The following C22orf31 variants were observed in gnomAD, a reference collection of about 807,000 sequenced individuals.
C22orf31 encodes chromosome 22 open reading frame 31.
Under a neutral mutation model 15.0 loss-of-function variants are expected in C22orf31, and 11 were observed. The ratio of observed to expected loss-of-function variants is 0.73; its 90% confidence interval spans 0.46 to 1.21. C22orf31 has a LOEUF of 1.21. Among genes scored for constraint, C22orf31 ranks in the 50% most tolerant of loss-of-function variants. The pLI is 0.00. For missense variants in C22orf31, 340 were observed against 347.2 expected, an observed-to-expected ratio of 0.98 and a Z score of 0.17; for synonymous variants, 132 against 133.3, an observed-to-expected ratio of 0.99 and a Z score of 0.07.
chr22:29,070,645 G>A, the C22orf31 span, among the ~76,000 whole-genome samples: 1 of 152,150 alleles, frequency 6.6e-6, no homozygotes, highest in African/African-American at 2.4e-5. Flanking sequence ...TGTAGTCCCA[G>A]CTATCCAGGA....
intron 1 of C22orf31, among the ~76,000 whole-genome samples, 175 bp downstream of exon 1, chr22:29,061,615 G>C (rs1462007752): frequency 1.3e-5 from 2 of 152,132 alleles, no homozygotes; most frequent in Admixed American, 1.3e-4. Flanking sequence ...CTCATTCACA[G>C]GGAAATCAAT....
rs201134739 is a variant in C22orf31, at chr22:29,060,798, G to A, written c.49C>T (p.Leu17Phe). The change falls in exon 2 of 3, where the codon CTC (leucine) becomes TTC (phenylalanine). Residue 17 changes from leucine (L) to phenylalanine (F), a missense_variant. By Grantham distance (22) the Leu-to-Phe change is conservative (BLOSUM62 0). Coordinates refer to ENST00000216071, the MANE Select transcript of C22orf31 (RefSeq NM_015370.2). ...GTATTTAATAAGATGGACTGTCGGA[G>A]TCCATAGATAGGGATGCTGGGGTCT... ...RRDPSIPIYG[L>F]RQSILLNTRL... 1.2e-6 allele frequency: 2 copies of A among 1,614,102 alleles called. No homozygotes were observed. The highest frequency in any genetic ancestry group is 2.2e-5 in the East Asian group (1 of 44,890).
In C22orf31 at chr22:29,060,434, G is replaced by C. The variant is rs368856214; in HGVS notation, c.413C>G (p.Pro138Arg). 123 of 1,612,788 alleles carry C rather than the reference G, an allele frequency of 7.6e-5. No individual in the cohort carries two copies. Among genetic ancestry groups the C allele is most frequent in the Admixed American group, 4.5e-4 (27 of 59,884 alleles). ...KSKQPAGHRRPAGGIRESKES... is the reference protein window; with the variant it reads ...KSKQPAGHRRRAGGIRESKES... Reference sequence around the variant, plus strand: ...GTCTACCTCTCTGATGCCTCCTGCAGGCCTCCTATGCCCTGCTGGCTGCTT... The same window carrying C: ...GTCTACCTCTCTGATGCCTCCTGCACGCCTCCTATGCCCTGCTGGCTGCTT... The change falls in exon 2 of 3, where the codon CCT becomes CGT. Residue 138 changes from proline to arginine, a missense_variant. Pro to Arg is a moderately radical substitution (Grantham distance 103). Coordinates refer to ENST00000216071, the MANE Select transcript of C22orf31 (RefSeq NM_015370.2).
chr22:29,062,571 C>G (rs922150175), upstream of C22orf31, among the ~76,000 whole-genome samples: 1 of 152,112 alleles, frequency 6.6e-6, no homozygotes, highest in African/African-American at 2.4e-5. Context: ...GGGTTTGATT[C>G]TTTTATTTGT....
At chr22:29,066,548 T>C (rs1403655786), upstream of C22orf31, among the ~76,000 whole-genome samples, 4 of 13,472 alleles carry the variant, frequency 3.0e-4, no homozygotes, top group African/African-American at 1.8e-3. Context: ...TCTTTTTTTT[T>C]TTTTTTTTTT....
At position 29,058,974 on chromosome 22, in the gene C22orf31, T is replaced by C. The variant is rs2037350357; in HGVS notation, c.641A>G (p.Gln214Arg). 1 of 1,614,036 alleles carries C rather than the reference T, an allele frequency of 6.2e-7. No homozygotes were observed. The highest frequency in any genetic ancestry group is 8.5e-7 in the Non-Finnish European group (1 of 1,179,988). Reference sequence around the variant, plus strand: ...CTCCACCACAGCGTGGTACAGAGCCTGGTAACCCTCTGTGGGGAGACCATG... The same window carrying C: ...CTCCACCACAGCGTGGTACAGAGCCCGGTAACCCTCTGTGGGGAGACCATG... ...TIHGLPTEGY[Q>R]ALYHAVVEPM... The change falls in exon 3 of 3, where the codon CAG becomes CGG. Residue 214 changes from glutamine to arginine, a missense_variant. By Grantham distance (43) the Gln-to-Arg change is conservative (BLOSUM62 1). Coordinates refer to ENST00000216071, the MANE Select transcript of C22orf31 (RefSeq NM_015370.2).
the C22orf31 span, among the ~76,000 whole-genome samples, chr22:29,068,148 C>G: frequency 2.8e-5 from 4 of 144,586 alleles, no homozygotes; most frequent in East Asian, 6.3e-4. Flanking sequence ...ATGGCACTAT[C>G]TCTGCTCACT....
At chr22:29,064,875 A>G (rs1305169959), upstream of C22orf31, among the ~76,000 whole-genome samples, 2 of 150,710 alleles carry the variant, frequency 1.3e-5, no homozygotes, top group East Asian at 2.0e-4. Flanking sequence ...TTTTTTTGAG[A>G]TGGAGTCCCA....
Position 29,058,923 on chromosome 22 carries a change from G to A in C22orf31, c.692C>T (p.Thr231Ile). Residue 231 changes from threonine to isoleucine, a missense_variant, in exon 3 of 3, where the codon ACC (threonine) becomes ATC (isoleucine). Thr to Ile is a moderately conservative substitution (Grantham distance 89). Transcript: ENST00000216071. ...VEPMLWNPSGTPKRYSLELGK... is the reference protein window; with the variant it reads ...VEPMLWNPSGIPKRYSLELGK... ...CAGCTCCAGGCTGTACCTCTTGGGGGTCCCTGAAGGATTCCACAGCATTGG... is the reference window on the plus strand; with the variant it reads ...CAGCTCCAGGCTGTACCTCTTGGGGATCCCTGAAGGATTCCACAGCATTGG... 1.2e-6 allele frequency: 2 copies of A among 1,614,144 alleles called. No individual in the cohort carries two copies. Among genetic ancestry groups the A allele is most frequent in the Non-Finnish European group, 1.7e-6 (2 of 1,180,020 alleles).
the C22orf31 span, among the ~76,000 whole-genome samples, chr22:29,073,780 T>A: frequency 4.3e-5 from 6 of 138,892 alleles, no homozygotes; most frequent in Non-Finnish European, 9.4e-5. This position sits in a 1 kb window ranked among gnomAD's most constrained non-coding sequence, Gnocchi z 4.4. Context: ...CCTCCTGGGA[T>A]CCCGTCCCCA....
chr22:29,064,785 C>T (rs1320390939), upstream of C22orf31, among the ~76,000 whole-genome samples: 2 of 140,252 alleles, frequency 1.4e-5, no homozygotes, highest in Non-Finnish European at 1.5e-5. Context: ...AAGTGATCCT[C>T]CTTGGCCTCC....
the C22orf31 span, among the ~76,000 whole-genome samples, chr22:29,073,540 G>A: frequency 6.6e-6 from 1 of 151,970 alleles, no homozygotes; most frequent in African/African-American, 2.4e-5. This position sits in a 1 kb window ranked among gnomAD's most constrained non-coding sequence, Gnocchi z 4.4. Flanking sequence ...ACGCCCCCCG[G>A]GCTGGGACAT....
chr22:29,073,213 T>TCGGCCC, the C22orf31 span: 1 of 1,178,928 alleles, frequency 8.5e-7, no homozygotes, highest in Non-Finnish European at 1.0e-6. This position sits in a 1 kb window ranked among gnomAD's most constrained non-coding sequence, Gnocchi z 4.4. Context: ...AGCCCCGGCC[T>TCGGCCC]CGGCCCCGGA....
At chr22:29,061,401 A>G (rs1235220887) in intron 1 of C22orf31, among the ~76,000 whole-genome samples, 5 of 151,962 alleles carry the variant, frequency 3.3e-5, no homozygotes, top group African/African-American at 7.3e-5. Flanking sequence ...GAAGTAGTTG[A>G]GATTACAGGC....
rs747496754 is a variant in C22orf31, at chr22:29,060,793, T to C, written c.54A>G (p.Arg18=). ...GCCTGGTATTTAATAAGATGGACTG[T>C]CGGAGTCCATAGATAGGGATGCTGG... The part of the protein sequence containing the change: ...RDPSIPIYGL[R]QSILLNTRLQ... Residue 18 remains arginine (R), a synonymous_variant, in exon 2 of 3, where the codon CGA becomes CGG. Coordinates refer to ENST00000216071, the MANE Select transcript of C22orf31 (RefSeq NM_015370.2). 33 of 1,613,744 alleles carry C rather than the reference T, an allele frequency of 2.0e-5. No homozygotes were observed. In the Admixed American group the frequency reaches 3.2e-4, roughly 15 times the overall value.
chr22:29,069,365 A>G, the C22orf31 span, among the ~76,000 whole-genome samples: 11 of 152,166 alleles, frequency 7.2e-5, no homozygotes, highest in African/African-American at 2.6e-4. Context: ...AATCATCCCA[A>G]CTGGAGTTTC....
At chr22:29,071,603 C>T in the C22orf31 span, among the ~76,000 whole-genome samples, 5 of 151,950 alleles carry the variant, frequency 3.3e-5, no homozygotes, top group Non-Finnish European at 5.9e-5. Context: ...GGACCAGGGA[C>T]TTGAAAGCGC....
chr22:29,059,896 A>G (rs2037365106), intron 2 of C22orf31: 2 of 985,208 alleles, frequency 2.0e-6, no homozygotes, highest in Admixed American at 1.2e-4. Flanking sequence ...AGCATAGTGT[A>G]AATGATAAAT....
At chr22:29,065,296 C>A (rs1391676954), upstream of C22orf31, among the ~76,000 whole-genome samples, 1 of 152,068 alleles carries the variant, frequency 6.6e-6, no homozygotes, top group South Asian at 2.1e-4. Context: ...GGTTTATGGC[C>A]GGTGTGGTGG....
Sources: gnomAD v4.1 joint callset for allele counts (sites outside exome capture counted in the v4.1 genomes callset) on GRCh38, gnomAD v4.1.1 for gene constraint, Gnocchi (gnomAD v3.1) non-coding constraint, MANE v1.5 for transcripts, NCBI Gene and HGNC (gene_info 2026-07-23, HGNC 2026-07-21) for gene names.